Variants in ARHGEF12 observed in about 807,000 individuals in gnomAD.
ARHGEF12 encodes the protein KMT2A/ARHGEF12 fusion protein.
ARHGEF12 carries 66 observed loss-of-function variants against 211.2 expected under a neutral mutation model. That is an observed-to-expected ratio of 0.31 (90% CI 0.26 to 0.38). ARHGEF12 has a LOEUF of 0.38. Among genes scored for constraint, ARHGEF12 ranks in the 10% least tolerant of loss-of-function variants. The pLI is 1.00. For missense variants in ARHGEF12, 1,429 were observed against 1,869.5 expected, an observed-to-expected ratio of 0.76 and a Z score of 4.34; for synonymous variants, 592 against 638.4, an observed-to-expected ratio of 0.93 and a Z score of 1.09.
intron 33 of ARHGEF12, 111 bp from the exon 34 acceptor site, chr11:120,476,550 A>T (rs931939408): frequency 1.7e-6 from 1 of 577,688 alleles, no homozygotes; most frequent in Non-Finnish European, 2.9e-6. Flanking sequence ...TAAAGTAAAT[A>T]TATGTAACCT....
chr11:120,448,847 T>A (rs1946122930), intron 20 of ARHGEF12: 1 of 384,270 alleles, frequency 2.6e-6, no homozygotes, highest in East Asian at 4.4e-5. Flanking sequence ...TAGAATAAGT[T>A]CCTGGTAAAT....
chr11:120,337,770 C>T (rs907689162), intron 1 of ARHGEF12: 32 of 985,238 alleles, frequency 3.2e-5, no homozygotes, highest in African/African-American at 1.0e-4. Flanking sequence ...TTGACCTGCA[C>T]GGTGTTTAAT....
At chr11:120,466,381 T>C (rs1946707103) in intron 28 of ARHGEF12, among the ~76,000 whole-genome samples, 1 of 152,232 alleles carries the variant, frequency 6.6e-6, no homozygotes, top group Non-Finnish European at 1.5e-5. Flanking sequence ...TAGAGGTGGA[T>C]GTTTGCTTTC....
intron 4 of ARHGEF12, chr11:120,409,712 T>C (rs1448533849): frequency 3.0e-6 from 1 of 336,580 alleles, no homozygotes; most frequent in Non-Finnish European, 5.5e-6. Flanking sequence ...TTGTTTATGG[T>C]AGGAAGGTGA....
chr11:120,420,823 T>C lies in ARHGEF12; in HGVS notation c.270T>C (p.Asn90=), dbSNP rs1236583691. 6.2e-7 allele frequency: 1 copy of C among 1,613,950 alleles called. No individual in the cohort carries two copies. The highest frequency in any genetic ancestry group is 8.5e-7 in the Non-Finnish European group (1 of 1,179,982). ...NGFGLTVSGD[N]PVFVQSVKED... is the part of the protein sequence containing the mutation. Reference sequence around the variant, plus strand: ...TTGGGCTGACGGTCAGTGGAGACAATCCAGTCTTCGTACAGTCTGTCAAAG... The same window carrying C: ...TTGGGCTGACGGTCAGTGGAGACAACCCAGTCTTCGTACAGTCTGTCAAAG... Residue 90 remains asparagine (N), a synonymous_variant, in exon 5 of 41, where the codon AAT becomes AAC. Coordinates refer to ENST00000397843, the MANE Select transcript of ARHGEF12 (RefSeq NM_015313.3).
chr11:120,477,862 C>CAAAA (rs528182938), intron 36 of ARHGEF12, among the ~76,000 whole-genome samples: 4 of 69,360 alleles, frequency 5.8e-5, no homozygotes, highest in East Asian at 3.3e-4. Context: ...ACCGAAACAC[C>CAAAA]AAAAAAAAAA....
At chr11:120,428,036 T>C (rs765575040) in intron 7 of ARHGEF12, 33 bp from the exon 8 acceptor site, 15 of 1,502,114 alleles carry the variant, frequency 1.0e-5, no homozygotes, top group Non-Finnish European at 1.2e-5. Context: ...TTATTTTCCC[T>C]TCCCTTCCCT....
chr11:120,348,166 A>T (rs1482999515), intron 1 of ARHGEF12, among the ~76,000 whole-genome samples: 1 of 152,234 alleles, frequency 6.6e-6, no homozygotes, highest in Non-Finnish European at 1.5e-5. Flanking sequence ...TGTAAATAAA[A>T]TTACTTAATT....
At chr11:120,339,005 CTT>C (rs906260027) in intron 1 of ARHGEF12, among the ~76,000 whole-genome samples, 3 of 121,988 alleles carry the variant, frequency 2.5e-5, no homozygotes, top group Admixed American at 8.7e-5. Flanking sequence ...TTTTCTTTTT[CTT>C]TTTTTTTTTT....
At chr11:120,457,497 T>C in intron 23 of ARHGEF12, 1 of 438,104 alleles carries the variant, frequency 2.3e-6, no homozygotes, top group South Asian at 8.9e-5. Context: ...AATAAATAAA[T>C]AAGTTGGGTG....
chr11:120,475,106 G>A (rs1033861421), intron 32 of ARHGEF12, among the ~76,000 whole-genome samples: 1 of 152,090 alleles, frequency 6.6e-6, no homozygotes, highest in Non-Finnish European at 1.5e-5. Context: ...TAGGCGCACA[G>A]CACCACACCC....
intron 1 of ARHGEF12, among the ~76,000 whole-genome samples, chr11:120,358,523 A>T (rs1259303835): frequency 2.0e-5 from 3 of 152,192 alleles, no homozygotes; most frequent in Non-Finnish European, 4.4e-5. Context: ...TCTTTAGTTT[A>T]AGTATTCACT....
chr11:120,397,494 A>G (rs1170281437), intron 1 of ARHGEF12, among the ~76,000 whole-genome samples: 1 of 152,222 alleles, frequency 6.6e-6, no homozygotes, highest in Non-Finnish European at 1.5e-5. Context: ...GATATTTGTT[A>G]TAACATTCTT....
intron 25 of ARHGEF12, chr11:120,458,920 G>A: frequency 4.3e-6 from 1 of 230,878 alleles, no homozygotes; most frequent in South Asian, 1.5e-4. Flanking sequence ...ATTGTAAACA[G>A]CTGGATGTGT....
rs1362290598 is a variant in ARHGEF12 at position 120,451,385 on chromosome 11, G to A, written c.1844-127G>A. Reference sequence around the variant, plus strand: ...ATAGAGACGGGGTTTCACCATATTAGCCAGGATGGTCTCGATCTCCTGACC... The same window carrying A: ...ATAGAGACGGGGTTTCACCATATTAACCAGGATGGTCTCGATCTCCTGACC... On this transcript the variant is annotated intron_variant, in intron 21 of 40. Coordinates refer to ENST00000397843, the MANE Select transcript of ARHGEF12 (RefSeq NM_015313.3). 6.6e-6 allele frequency: 5 copies of A among 762,292 alleles called. No homozygotes were observed. The African/African-American group carries it at 8.8e-5, about 13-fold the overall frequency. 47.2% of individuals were successfully genotyped at this position (762,292 alleles called of 1,614,324 possible). A position where few individuals can be genotyped will look rare whatever the true frequency, so the allele number is the denominator to read the frequency against.
Position 120,336,792 on chromosome 11 carries a change from A to G in ARHGEF12, c.-452A>G. On this transcript the variant is annotated 5_prime_UTR_variant, in exon 1 of 41. Transcript: ENST00000397843. ...GCGGCCACGAGCAGCCGGCAGCCCC[A>G]GATAGAGAGCCGGGAGGGAGGGCCC... is the stretch of plus-strand genomic sequence containing the variant. 3.4e-6 allele frequency: 1 copy of G among 293,904 alleles called. No homozygotes were observed. The highest frequency in any genetic ancestry group is 5.1e-5 in the East Asian group (1 of 19,534). The allele number at this position is 293,904 out of a possible 1,614,324, so 18.2% of individuals were successfully genotyped here.
At chr11:120,398,074 G>A (rs1051842809) in intron 1 of ARHGEF12, among the ~76,000 whole-genome samples, 1 of 152,094 alleles carries the variant, frequency 6.6e-6, no homozygotes, top group African/African-American at 2.4e-5. Context: ...GAGAACCATT[G>A]CTTTATAGGA....
intron 31 of ARHGEF12, 90 bp from the exon 32 acceptor site, chr11:120,474,470 G>T: frequency 1.2e-6 from 1 of 803,660 alleles, no homozygotes; most frequent in Non-Finnish European, 1.9e-6. Context: ...TTTATATTAA[G>T]AATTTCTTTA....
At chr11:120,392,290 C>T (rs1368822024) in intron 1 of ARHGEF12, among the ~76,000 whole-genome samples, 1 of 152,206 alleles carries the variant, frequency 6.6e-6, no homozygotes, top group Non-Finnish European at 1.5e-5. Flanking sequence ...TTAAATGCCT[C>T]TAAGGTCTTT....
Sources: allele counts gnomAD v4.1 joint callset (sites outside exome capture counted in the v4.1 genomes callset), GRCh38; gene constraint gnomAD v4.1.1; transcripts MANE v1.5; gene names NCBI Gene and HGNC (gene_info 2026-07-23, HGNC 2026-07-21).